Variants in SPECC1 observed in about 807,000 individuals in gnomAD.
The protein encoded by SPECC1 is sperm antigen with calponin homology and coiled-coil domains 1.
A neutral mutation model predicts 104.1 loss-of-function variants in SPECC1; 62 were observed. The observed-to-expected ratio is 0.60, with a 90% CI of 0.49 to 0.74. SPECC1 has a LOEUF of 0.74. SPECC1 is among the 30% of genes least tolerant of loss of function. The pLI, the probability that SPECC1 is intolerant of heterozygous loss-of-function variation, is 0.00. For missense variants in SPECC1, 1,306 were observed against 1,310.5 expected (o/e 1.00, Z 0.05); for synonymous variants, 513 against 501.6 (o/e 1.02, Z -0.30).
intron 2 of SPECC1, among the ~76,000 whole-genome samples, chr17:20,097,472 A>G (rs1158110590): frequency 1.3e-5 from 2 of 152,214 alleles, no homozygotes; most frequent in Non-Finnish European, 2.9e-5. Flanking sequence ...CAGCTGTGCT[A>G]AAGGCCTTGA....
At chr17:20,271,645 C>G (rs571299573) in intron 12 of SPECC1, among the ~76,000 whole-genome samples, 1 of 152,306 alleles carries the variant, frequency 6.6e-6, no homozygotes, top group East Asian at 1.9e-4. Context: ...TCTCTGGAGC[C>G]TCTGACCTCT....
intron 14 of SPECC1, among the ~76,000 whole-genome samples, chr17:20,311,075 C>T (rs1225931210): frequency 1.3e-5 from 2 of 149,040 alleles, no homozygotes; most frequent in Non-Finnish European, 3.0e-5. Context: ...TCTGCACATA[C>T]CTTGTTAGAT....
At chr17:20,300,179 G>A (rs2041520239) in intron 13 of SPECC1, among the ~76,000 whole-genome samples, 1 of 152,188 alleles carries the variant, frequency 6.6e-6, no homozygotes, top group Non-Finnish European at 1.5e-5. Context: ...TACAGAGGGA[G>A]GACCGAGGAA....
intron 12 of SPECC1, among the ~76,000 whole-genome samples, chr17:20,274,508 T>G (rs1405239163): frequency 7.4e-6 from 1 of 134,486 alleles, no homozygotes; most frequent in Admixed American, 7.3e-5. Context: ...TTCTTTTTTC[T>G]TTTTTTTTTT....
intron 3 of SPECC1, among the ~76,000 whole-genome samples, chr17:20,179,566 G>C (rs1246996209): frequency 6.6e-6 from 1 of 152,210 alleles, no homozygotes; most frequent in African/African-American, 2.4e-5. Flanking sequence ...CCAGGCTTAG[G>C]AAAGAAGGGT....
At chr17:20,015,047 G>A (rs1236107424) in intron 1 of SPECC1, among the ~76,000 whole-genome samples, 2 of 152,132 alleles carry the variant, frequency 1.3e-5, no homozygotes, top group African/African-American at 2.4e-5. Context: ...GAGCCACTGC[G>A]CTTGGGCACC....
At chr17:20,281,108 G>A (rs1187389248) in intron 12 of SPECC1, among the ~76,000 whole-genome samples, 1 of 152,138 alleles carries the variant, frequency 6.6e-6, no homozygotes, top group Admixed American at 6.5e-5. Context: ...TCTTAGCATG[G>A]CCGGTCGGTT....
At chr17:20,139,634 G>T (rs968188840) in intron 3 of SPECC1, among the ~76,000 whole-genome samples, 7 of 152,046 alleles carry the variant, frequency 4.6e-5, no homozygotes, top group African/African-American at 1.7e-4. Context: ...CTCTCAACAT[G>T]TAATTGTCAT....
intron 3 of SPECC1, among the ~76,000 whole-genome samples, chr17:20,128,370 T>C (rs1369067910): frequency 6.6e-6 from 1 of 152,168 alleles, no homozygotes; most frequent in East Asian, 1.9e-4. Flanking sequence ...TGAAACTGCT[T>C]TGTGTTTCTC....
chr17:20,082,288 TAAAC>T (rs973507995), intron 1 of SPECC1, among the ~76,000 whole-genome samples: 5 of 152,168 alleles, frequency 3.3e-5, no homozygotes, highest in African/African-American at 1.2e-4. Flanking sequence ...CTGTAGGTCT[TAAAC>T]AAAAGACATT....
chr17:20,248,112 C>T (rs1045100019), intron 9 of SPECC1, among the ~76,000 whole-genome samples: 1 of 152,214 alleles, frequency 6.6e-6, no homozygotes, highest in Non-Finnish European at 1.5e-5. Flanking sequence ...GTGCCTGCCC[C>T]ATACTGACCA....
intron 1 of SPECC1, among the ~76,000 whole-genome samples, chr17:20,060,839 A>G (rs139704004): frequency 2.0e-5 from 3 of 152,366 alleles, no homozygotes; most frequent in Non-Finnish European, 2.9e-5. Flanking sequence ...GGAAACTGCT[A>G]ATTTTAACAG....
chr17:20,258,470 T>C (rs1200056706), intron 11 of SPECC1, among the ~76,000 whole-genome samples: 1 of 152,190 alleles, frequency 6.6e-6, no homozygotes, highest in Admixed American at 6.5e-5. Context: ...CCTGCTTCTC[T>C]GTGTTGGTTA....
intron 14 of SPECC1, among the ~76,000 whole-genome samples, chr17:20,308,600 G>A (rs1180780272): frequency 6.6e-6 from 1 of 152,018 alleles, no homozygotes; most frequent in East Asian, 1.9e-4. Flanking sequence ...AACTTAAGAA[G>A]ACATAAAACT....
chr17:20,246,102 T>C, intron 8 of SPECC1, 31 bp downstream of exon 8: 10 of 1,610,284 alleles, frequency 6.2e-6, no homozygotes, highest in Non-Finnish European at 8.5e-6. Flanking sequence ...TAAGCAAAGC[T>C]CCAAATTCAA....
At chr17:20,085,794 CG>C (rs61442347) in intron 1 of SPECC1, among the ~76,000 whole-genome samples, 19,638 of 152,204 alleles carry the variant, frequency 0.13, 1,277 homozygotes, top group African/African-American at 0.14. Context: ...TGAGCAATGG[CG>C]GACTCCCGCT....
chr17:20,073,505 G>T (rs1467057936), intron 1 of SPECC1: 1 of 152,274 alleles, frequency 6.6e-6, no homozygotes, highest in Non-Finnish European at 1.5e-5. Context: ...GCAGGAGAGA[G>T]ACGGGGAGAG....
At chr17:20,191,933 G>A (rs2386485) in intron 3 of SPECC1, among the ~76,000 whole-genome samples, 107,578 of 151,840 alleles carry the variant, frequency 0.71, 39,902 homozygotes, top group East Asian at 0.99. Flanking sequence ...CAGGTGTTTC[G>A]TTTTCCATTT....
At chr17:20,246,179 CA>C in intron 8 of SPECC1, 108 bp downstream of exon 8, 1 of 1,371,036 alleles carries the variant, frequency 7.3e-7, no homozygotes, top group Non-Finnish European at 1.0e-6. Flanking sequence ...GTTACAACCA[CA>C]AGGGCGCTTT....
Sources: gnomAD v4.1 joint callset for allele counts (sites outside exome capture counted in the v4.1 genomes callset) on GRCh38, gnomAD v4.1.1 for gene constraint, MANE v1.5 for transcripts, NCBI Gene and HGNC (gene_info 2026-07-23, HGNC 2026-07-21) for gene names.